The following TOX variants were observed in gnomAD, a reference collection of about 807,000 sequenced individuals.
TOX encodes thymocyte selection-associated high mobility group box protein TOX.
A neutral mutation model predicts 53.7 loss-of-function variants in TOX; 11 were observed. The observed-to-expected ratio is 0.20, with a 90% CI of 0.13 to 0.34. The LOEUF is 0.34. TOX is among the 10% of genes least tolerant of loss of function. The probability of loss-of-function intolerance (pLI) is 1.00; values close to 1 mark genes in which losing one functional copy is unlikely to be tolerated. For missense variants in TOX, 570 were observed against 664.6 expected (o/e 0.86, Z 1.56); for synonymous variants, 225 against 245.3 (o/e 0.92, Z 0.77).
intron 2 of TOX, among the ~76,000 whole-genome samples, chr8:58,945,351 T>C (rs1341241465): frequency 6.6e-6 from 1 of 152,250 alleles, no homozygotes; most frequent in African/African-American, 2.4e-5. Context: ...AGACTATTAA[T>C]GGAATCAAGA....
At chr8:58,962,343 C>T (rs1049556101) in intron 1 of TOX, among the ~76,000 whole-genome samples, 1 of 152,146 alleles carries the variant, frequency 6.6e-6, no homozygotes, top group Non-Finnish European at 1.5e-5. Flanking sequence ...TTTTATGTTC[C>T]TGCCACCTGT....
chr8:58,987,068 A>G (rs767807075), intron 1 of TOX, among the ~76,000 whole-genome samples: 1 of 152,236 alleles, frequency 6.6e-6, no homozygotes, highest in Non-Finnish European at 1.5e-5. Flanking sequence ...AGTTGTGGAC[A>G]GGCTGCAGTC....
chr8:59,098,532 G>A (rs547065314), intron 1 of TOX, among the ~76,000 whole-genome samples: 4 of 152,080 alleles, frequency 2.6e-5, no homozygotes, highest in African/African-American at 9.6e-5. Flanking sequence ...ACAGAAGGCA[G>A]GTCCATTTTT....
chr8:59,007,895 C>T lies in TOX; in HGVS notation c.103-47887G>A, dbSNP rs189537146. ...AGCCAGAAGGTAACCAATGATGGCA[C>T]TGATAACCTGATTGAGGAATAGATT... On this transcript the variant is annotated intron_variant, in intron 1 of 8. Transcript: ENST00000361421. Among the ~76,000 whole-genome samples, 33 of 152,316 alleles carry T rather than the reference C, an allele frequency of 2.2e-4. No homozygotes were observed. In the East Asian group the frequency reaches 4.2e-3, roughly 20 times the overall value.
rs552856988 is a variant in TOX, at chr8:58,941,286, T to C, written c.169-1742A>G. 2.2e-4 allele frequency among the ~76,000 whole-genome samples: 34 copies of C among 152,324 alleles called. 1 individual carries two copies. In the Middle Eastern group the frequency reaches 0.01, roughly 46 times the overall value. ...AGGTGGGAGAGATGTCTATTTCATATTAAAGCACTGTACCAAGGTCTTTGA... is the reference window on the plus strand; with the variant it reads ...AGGTGGGAGAGATGTCTATTTCATACTAAAGCACTGTACCAAGGTCTTTGA... On this transcript the variant is annotated intron_variant, in intron 2 of 8. Coordinates refer to ENST00000361421, the MANE Select transcript of TOX (RefSeq NM_014729.3).
intron 1 of TOX, among the ~76,000 whole-genome samples, chr8:58,998,973 A>T (rs1359139451): frequency 6.6e-6 from 1 of 152,192 alleles, no homozygotes; most frequent in East Asian, 1.9e-4. Flanking sequence ...TCCTAGAACT[A>T]CCAAATGCTT....
intron 1 of TOX, among the ~76,000 whole-genome samples, chr8:59,039,099 T>C (rs1456236398): frequency 6.6e-6 from 1 of 152,204 alleles, no homozygotes; most frequent in Non-Finnish European, 1.5e-5. Context: ...ATTAAAACAA[T>C]ATTCCCAAAT....
chr8:58,911,445 A>G (rs1811906284), intron 3 of TOX, among the ~76,000 whole-genome samples: 1 of 152,214 alleles, frequency 6.6e-6, no homozygotes, highest in Admixed American at 6.5e-5. Flanking sequence ...GTATATATGC[A>G]TATACTGTAT....
At chr8:58,976,140 T>A (rs1397830485) in intron 1 of TOX, among the ~76,000 whole-genome samples, 1 of 152,156 alleles carries the variant, frequency 6.6e-6, no homozygotes, top group Non-Finnish European at 1.5e-5. Flanking sequence ...CTCTGCAGCA[T>A]GTGATGCTGT....
At position 58,815,318 on chromosome 8, in the gene TOX, T is replaced by C. The variant is rs1810154563; in HGVS notation, c.1392+20A>G. 6.3e-7 allele frequency: 1 copy of C among 1,574,948 alleles called. No individual in the cohort carries two copies. Among genetic ancestry groups the C allele is most frequent in the African/African-American group, 1.3e-5 (1 of 74,442 alleles). On this transcript the variant is annotated intron_variant, in intron 7 of 8. Coordinates refer to ENST00000361421, the MANE Select transcript of TOX (RefSeq NM_014729.3). Reference sequence around the variant, plus strand: ...TCAGAATAGGGGTGCACACTCTAAGTCCAGAGCCATTGCACTTACTTGCTG... The same window carrying C: ...TCAGAATAGGGGTGCACACTCTAAGCCCAGAGCCATTGCACTTACTTGCTG...
chr8:58,986,806 A>T (rs1006101302), intron 1 of TOX, among the ~76,000 whole-genome samples: 1 of 152,178 alleles, frequency 6.6e-6, no homozygotes, highest in Non-Finnish European at 1.5e-5. Context: ...TGATACACTC[A>T]CTGGCTGACT....
intron 1 of TOX, among the ~76,000 whole-genome samples, chr8:59,067,505 C>T (rs1043664255): frequency 2.6e-5 from 4 of 151,982 alleles, no homozygotes; most frequent in East Asian, 1.9e-4. Flanking sequence ...CAGTGAGCTG[C>T]GATCACACCA....
chr8:58,875,702 A>C (rs1811271193), intron 3 of TOX, among the ~76,000 whole-genome samples: 1 of 152,246 alleles, frequency 6.6e-6, no homozygotes, highest in Non-Finnish European at 1.5e-5. Flanking sequence ...AAGAAAAAGA[A>C]GTGAGCAGAG....
chr8:58,817,660 A>T (rs1810204399), intron 6 of TOX, among the ~76,000 whole-genome samples: 1 of 152,166 alleles, frequency 6.6e-6, no homozygotes, highest in African/African-American at 2.4e-5. Flanking sequence ...CCCTCTTTTT[A>T]GCCTATTGCA....
Position 58,815,465 on chromosome 8 carries a change from T to A in TOX, c.1265A>T (p.Gln422Leu), listed in dbSNP as rs769068060. The A allele has an allele frequency of 3.1e-6, 5 of 1,613,890 alleles. No homozygotes were observed. In the African/African-American group the frequency reaches 6.7e-5, roughly 22 times the overall value. ...NMAVSPPPPL[Q>L]ISPPLHQHLN... ...ATGCTGGTGAAGAGGCGGGCTGATC[T>A]GGAGGGGAGGAGGAGGGGACACAGC... The change falls in exon 7 of 9, where the codon CAG becomes CTG. Residue 422 changes from glutamine to leucine, a missense_variant. Physicochemically the swap from Gln to Leu is moderately radical, Grantham distance 113 (BLOSUM62 -2). This residue lies in a region of TOX where 239 missense variants were observed against 250.7 expected (regional missense o/e 0.95). Transcript: ENST00000361421.
intron 1 of TOX, among the ~76,000 whole-genome samples, chr8:59,030,593 G>A (rs1814336218): frequency 6.6e-6 from 1 of 152,150 alleles, no homozygotes; most frequent in Admixed American, 6.5e-5. Flanking sequence ...TGTTCCATCT[G>A]CTTCCAGGCA....
rs778686706 is a variant in TOX, at chr8:58,808,187, T to C, written c.1475A>G (p.Tyr492Cys). The C allele has an allele frequency of 2.4e-5, 39 of 1,614,032 alleles. No homozygotes were observed. The highest frequency in any genetic ancestry group is 3.1e-5 in the Non-Finnish European group (37 of 1,180,000). Residue 492 changes from tyrosine (Y) to cysteine (C), a missense_variant, in exon 8 of 9, where the codon TAT becomes TGT. Tyr to Cys is a radical substitution (Grantham distance 194). Transcript: ENST00000361421. ...AGGATTTCTGCACCCCGAACGCACA[T>C]ACTCCATTGCCTGGGTGACAACTTG... ...AAQVVTQAME[Y>C]VRSGCRNPPP...
chr8:59,006,906 C>T (rs1464047936), intron 1 of TOX, among the ~76,000 whole-genome samples: 1 of 152,186 alleles, frequency 6.6e-6, no homozygotes, highest in Non-Finnish European at 1.5e-5. Context: ...CAGTTCCTCC[C>T]AGAAGCATCC....
chr8:58,925,629 C>T (rs541169520), intron 3 of TOX, among the ~76,000 whole-genome samples: 12 of 152,320 alleles, frequency 7.9e-5, no homozygotes, highest in African/African-American at 2.4e-4. Context: ...GCACCTAGGA[C>T]GAGCCCATCT....
Sources: gnomAD v4.1 joint callset for allele counts (sites outside exome capture counted in the v4.1 genomes callset) on GRCh38, gnomAD v4.1.1 for gene constraint, gnomAD v4.1.1 regional missense constraint, MANE v1.5 for transcripts, NCBI Gene and HGNC (gene_info 2026-07-23, HGNC 2026-07-21) for gene names.